LRRC4C: variants seen among roughly 807,000 people sequenced by gnomAD.
LRRC4C encodes leucine-rich repeat-containing protein 4C.
In LRRC4C, 5 loss-of-function variants were observed where a neutral mutation model predicts 33.6. The ratio of observed to expected loss-of-function variants is 0.15; its 90% CI spans 0.08 to 0.31. LRRC4C has a LOEUF of 0.31. Ranked by LOEUF, LRRC4C falls within the 10% of genes least tolerant of loss-of-function variation. LRRC4C has a pLI of 1.00. For synonymous variants in LRRC4C, 329 were observed against 302.0 expected (o/e 1.09, Z -0.93); for missense variants, 560 against 796.7 (o/e 0.70, Z 3.58).
At position 40,580,840 on chromosome 11, in the gene LRRC4C, C is replaced by T. The variant is rs75253451; in HGVS notation, c.-270+67302G>A. ...TGGATGAATGGGCAGTTATTTAAACCCTTGCCTATCTATATTTTGTTCCAA... is the reference window on the plus strand; with the variant it reads ...TGGATGAATGGGCAGTTATTTAAACTCTTGCCTATCTATATTTTGTTCCAA... On this transcript the variant is annotated intron_variant, in intron 3 of 6. Transcript: ENST00000528697. Among the ~76,000 whole-genome samples, 93 of 152,188 alleles carry T rather than the reference C, an allele frequency of 6.1e-4. 1 individual carries two copies. In the East Asian group the frequency reaches 0.014, roughly 23 times the overall value.
At chr11:40,202,068 G>A (rs1250293383) in intron 5 of LRRC4C, among the ~76,000 whole-genome samples, 1 of 152,016 alleles carries the variant, frequency 6.6e-6, no homozygotes, top group Non-Finnish European at 1.5e-5. Flanking sequence ...GCAAGGTGTT[G>A]AACACCTCTG....
chr11:41,079,845 A>G (rs1939432985), intron 1 of LRRC4C, among the ~76,000 whole-genome samples: 1 of 152,130 alleles, frequency 6.6e-6, no homozygotes, highest in Admixed American at 6.6e-5. Flanking sequence ...GCCCAAGGCA[A>G]TTCTTCTTCT....
chr11:41,332,919 A>G (rs1951340427), intron 1 of LRRC4C, among the ~76,000 whole-genome samples: 1 of 152,222 alleles, frequency 6.6e-6, no homozygotes, highest in South Asian at 2.1e-4. Context: ...ACTTCTTCCT[A>G]TAAGCCTAGG....
At chr11:40,783,465 G>C (rs1950298356) in intron 2 of LRRC4C, among the ~76,000 whole-genome samples, 1 of 151,264 alleles carries the variant, frequency 6.6e-6, no homozygotes, top group African/African-American at 2.4e-5. Flanking sequence ...CCAGCTATTT[G>C]TTTCTTTTTT....
chr11:41,120,283 C>T (rs1224992548), intron 1 of LRRC4C, among the ~76,000 whole-genome samples: 1 of 152,134 alleles, frequency 6.6e-6, no homozygotes, highest in East Asian at 1.9e-4. Flanking sequence ...TGCCAAAAAA[C>T]CATCTGTCCA....
chr11:40,245,972 C>CTTT (rs556019520), intron 4 of LRRC4C, among the ~76,000 whole-genome samples: 3 of 132,116 alleles, frequency 2.3e-5, no homozygotes, highest in African/African-American at 8.1e-5. Flanking sequence ...AAAGTCCTAA[C>CTTT]TTTTTTTTTT....
intron 1 of LRRC4C, among the ~76,000 whole-genome samples, chr11:41,204,522 A>G (rs968596080): frequency 6.7e-6 from 1 of 149,578 alleles, no homozygotes; most frequent in African/African-American, 2.5e-5. Flanking sequence ...CTTTTTTCCT[A>G]TGGGAAAGAA....
intron 1 of LRRC4C, among the ~76,000 whole-genome samples, chr11:41,229,166 G>C (rs1947673037): frequency 6.6e-6 from 1 of 152,006 alleles, no homozygotes; most frequent in South Asian, 2.1e-4. Flanking sequence ...TAACCTCTTA[G>C]ATGACTGTAT....
At chr11:41,428,960 T>C (rs1955138157) in intron 1 of LRRC4C, among the ~76,000 whole-genome samples, 1 of 152,094 alleles carries the variant, frequency 6.6e-6, no homozygotes, top group African/African-American at 2.4e-5. Context: ...CAATGAGTCT[T>C]CTTAGAGAAA....
intron 1 of LRRC4C, among the ~76,000 whole-genome samples, chr11:41,402,182 G>T (rs1259134080): frequency 6.6e-6 from 1 of 152,008 alleles, no homozygotes; most frequent in Non-Finnish European, 1.5e-5. Context: ...TCAAAGAAGA[G>T]AGTTCATCTC....
chr11:40,652,878 A>G (rs1251193700), intron 2 of LRRC4C, among the ~76,000 whole-genome samples: 1 of 152,124 alleles, frequency 6.6e-6, no homozygotes, highest in Non-Finnish European at 1.5e-5. Context: ...TAATCCCCAC[A>G]TGTCAAGAGT....
chr11:40,472,038 G>A (rs1372127491), intron 3 of LRRC4C, among the ~76,000 whole-genome samples: 3 of 152,112 alleles, frequency 2.0e-5, no homozygotes, highest in South Asian at 4.1e-4. Context: ...GCTCGCACCT[G>A]TAATCCCAGC....
intron 5 of LRRC4C, among the ~76,000 whole-genome samples, chr11:40,183,692 G>A (rs1249477139): frequency 1.3e-5 from 2 of 152,182 alleles, no homozygotes; most frequent in Non-Finnish European, 2.9e-5. Context: ...GCTAACAAGA[G>A]GAAAAAGAAA....
intron 1 of LRRC4C, among the ~76,000 whole-genome samples, chr11:41,174,291 T>C (rs1217398056): frequency 6.6e-6 from 1 of 152,082 alleles, no homozygotes; most frequent in Non-Finnish European, 1.5e-5. Context: ...GAACAGTTTA[T>C]CTCTAGCTAA....
chr11:41,401,196 A>G (rs1275257766), intron 1 of LRRC4C, among the ~76,000 whole-genome samples: 1 of 151,966 alleles, frequency 6.6e-6, no homozygotes, highest in East Asian at 1.9e-4. Flanking sequence ...AAAGTAACTG[A>G]GAGCTACACA....
intron 5 of LRRC4C, among the ~76,000 whole-genome samples, chr11:40,216,863 A>C (rs1229018198): frequency 6.6e-6 from 1 of 152,184 alleles, no homozygotes; most frequent in Non-Finnish European, 1.5e-5. Flanking sequence ...CAAAATGCCA[A>C]GTCAATCTTT....
chr11:40,782,445 CTT>C (rs201812921), intron 2 of LRRC4C, among the ~76,000 whole-genome samples: 2 of 146,464 alleles, frequency 1.4e-5, no homozygotes, highest in African/African-American at 5.0e-5. Context: ...TAATTGCATA[CTT>C]TTTTTTTTTT....
chr11:40,792,802 C>T (rs1950680073), intron 2 of LRRC4C, among the ~76,000 whole-genome samples: 1 of 152,012 alleles, frequency 6.6e-6, no homozygotes, highest in East Asian at 1.9e-4. Context: ...GAATACTGTG[C>T]AGCCATAAAA....
intron 1 of LRRC4C, among the ~76,000 whole-genome samples, chr11:41,170,153 A>G (rs1056061132): frequency 2.6e-5 from 4 of 152,150 alleles, no homozygotes; most frequent in African/African-American, 9.7e-5. Flanking sequence ...AAAACTATCA[A>G]GATAGACTAG....
Sources: allele counts gnomAD v4.1 joint callset (sites outside exome capture counted in the v4.1 genomes callset), GRCh38; gene constraint gnomAD v4.1.1; transcripts MANE v1.5; gene names NCBI Gene and HGNC (gene_info 2026-07-23, HGNC 2026-07-21).